The following IL17RD variants were observed in gnomAD, a reference collection of about 807,000 sequenced individuals.
IL17RD encodes the protein interleukin 17 receptor D.
A neutral mutation model predicts 80.5 loss-of-function variants in IL17RD; 52 were observed. The observed-to-expected ratio is 0.65, with a 90% CI of 0.52 to 0.81. The LOEUF (loss-of-function observed/expected upper bound fraction) is 0.81. IL17RD is among the 40% of genes least tolerant of loss of function. The pLI, the probability that IL17RD is intolerant of heterozygous loss-of-function variation, is 0.00. For synonymous variants in IL17RD, 416 were observed against 391.8 expected, an observed-to-expected ratio of 1.06 and a Z score of -0.73; for missense variants, 1,024 against 955.1, an observed-to-expected ratio of 1.07 and a Z score of -0.95.
At chr3:57,123,736 T>C (rs1192871437) in intron 1 of IL17RD, among the ~76,000 whole-genome samples, 1 of 152,164 alleles carries the variant, frequency 6.6e-6, no homozygotes, top group African/African-American at 2.4e-5. Context: ...AGGTATTAGT[T>C]CTTACATGCA....
At chr3:57,139,267 T>G (rs1016438149) in intron 1 of IL17RD, among the ~76,000 whole-genome samples, 2 of 152,022 alleles carry the variant, frequency 1.3e-5, no homozygotes, top group African/African-American at 4.8e-5. Context: ...AAAAGTGAGT[T>G]TGGCAAAGTA....
chr3:57,110,255 T>G lies in IL17RD; in HGVS notation c.367A>C (p.Arg123=), dbSNP rs745326185. The G allele has an allele frequency of 2.5e-6, 4 of 1,609,852 alleles. No homozygotes were observed. Among genetic ancestry groups the G allele is most frequent in the African/African-American group, 2.7e-5 (2 of 75,024 alleles). ...TTTAGAATCAGTTGTTGGCACTGTCTTCCCTCCGACTTCAGCTCCTCCAGT... is the reference window on the plus strand; with the variant it reads ...TTTAGAATCAGTTGTTGGCACTGTCGTCCCTCCGACTTCAGCTCCTCCAGT... ...VILEELKSEG[R]QCQQLILKDP... The change falls in exon 4 of 13, where the codon AGA becomes CGA. Residue 123 remains arginine (R), a synonymous_variant. Transcript: ENST00000296318.
chr3:57,119,898 T>A (rs1291268957), intron 2 of IL17RD, among the ~76,000 whole-genome samples: 32 of 152,222 alleles, frequency 2.1e-4, no homozygotes, highest in Non-Finnish European at 2.9e-5. Context: ...CTATCCAGTT[T>A]GCCATACTGT....
intron 1 of IL17RD, among the ~76,000 whole-genome samples, chr3:57,162,764 C>A (rs1473576071): frequency 6.6e-6 from 1 of 152,120 alleles, no homozygotes; most frequent in East Asian, 1.9e-4. Context: ...ATTTACAGGG[C>A]TCTGACGCCA....
chr3:57,111,111 TGGAGAGCCC>T (rs1707088254), intron 3 of IL17RD, among the ~76,000 whole-genome samples: 1 of 152,256 alleles, frequency 6.6e-6, no homozygotes, highest in Non-Finnish European at 1.5e-5. Context: ...CAGCTGCAGC[TGGAGAGCCC>T]CAAAGCCTGC....
intron 1 of IL17RD, among the ~76,000 whole-genome samples, chr3:57,164,501 T>C (rs2060331451): frequency 6.6e-6 from 1 of 151,842 alleles, no homozygotes; most frequent in Non-Finnish European, 1.5e-5. Context: ...GGCGGAAAAA[T>C]ATCCGCAACT....
chr3:57,149,585 T>G (rs114200373), intron 1 of IL17RD, among the ~76,000 whole-genome samples: 235 of 152,388 alleles, frequency 1.5e-3, no homozygotes, highest in African/African-American at 5.3e-3. Flanking sequence ...GTGTGATGAT[T>G]TAAATTTAAA....
intron 1 of IL17RD, among the ~76,000 whole-genome samples, chr3:57,124,062 A>G (rs1707396571): frequency 6.6e-6 from 1 of 152,120 alleles, no homozygotes; most frequent in Non-Finnish European, 1.5e-5. Context: ...ACAAACAAAC[A>G]AAAACCTTTC....
chr3:57,120,127 T>C (rs529921719), intron 2 of IL17RD, 129 bp downstream of exon 2: 7 of 715,960 alleles, frequency 9.8e-6, no homozygotes, highest in African/African-American at 3.5e-5. Flanking sequence ...GCTTTAGCTG[T>C]TGACAAACCT....
chr3:57,164,318 G>C (rs2060329689), intron 1 of IL17RD, among the ~76,000 whole-genome samples: 1 of 152,200 alleles, frequency 6.6e-6, no homozygotes, highest in African/African-American at 2.4e-5. Flanking sequence ...AGAAGCCCAG[G>C]TAGGGAGCAG....
intron 1 of IL17RD, among the ~76,000 whole-genome samples, chr3:57,139,461 T>TTA (rs1408265245): frequency 3.3e-5 from 5 of 152,122 alleles, no homozygotes; most frequent in Non-Finnish European, 5.9e-5. Context: ...AGTGTGAATA[T>TTA]TATATATACA....
intron 7 of IL17RD, among the ~76,000 whole-genome samples, chr3:57,105,039 G>T (rs923005513): frequency 6.6e-6 from 1 of 152,170 alleles, no homozygotes; most frequent in African/African-American, 2.4e-5. Flanking sequence ...TAGCCACTGA[G>T]TTATCAGTGG....
chr3:57,106,162 G>A lies in IL17RD; in HGVS notation c.551-8C>T. The A allele has an allele frequency of 1.9e-6, 3 of 1,605,298 alleles. No homozygotes were observed. The South Asian group carries it at 3.3e-5, about 18-fold the overall frequency. On this transcript the variant is annotated splice_region_variant and splice_polypyrimidine_tract_variant and intron_variant, in intron 5 of 12. Coordinates refer to ENST00000296318, the MANE Select transcript of IL17RD (RefSeq NM_017563.5). ...GTAACAACAGGTCACAGGCTATTAA[G>A]AGAATAAAGATACATGTTTTTAGTT...
rs1237012335 is a variant in IL17RD, at chr3:57,109,648, A to G, written c.439T>C (p.Ser147Pro). Residue 147 changes from serine to proline, a missense_variant, in exon 5 of 13, where the codon TCT becomes CCT. Coordinates refer to ENST00000296318, the MANE Select transcript of IL17RD (RefSeq NM_017563.5). Reference protein sequence around the residue: ...NSSFKRTGMESQPFLNMKFET... With the variant: ...NSSFKRTGMEPQPFLNMKFET... The stretch of plus-strand genomic sequence containing the variant: ...AATTTCATATTCAGGAAAGGTTGAG[A>G]TTCCATTCCCTAAAAGGGAACAAAA... 1 of 1,613,322 alleles carries G rather than the reference A, an allele frequency of 6.2e-7. No individual in the cohort carries two copies. Among genetic ancestry groups the G allele is most frequent in the East Asian group, 2.2e-5 (1 of 44,868 alleles).
chr3:57,106,177 T>C (rs569222302), intron 5 of IL17RD, 23 bp from the exon 6 acceptor site: 1 of 1,590,762 alleles, frequency 6.3e-7, no homozygotes, highest in South Asian at 1.1e-5. Flanking sequence ...TAAAGATACA[T>C]GTTTTTAGTT....
At chr3:57,167,240 A>G (rs2060352299), upstream of IL17RD, among the ~76,000 whole-genome samples, 1 of 152,050 alleles carries the variant, frequency 6.6e-6, no homozygotes, top group Admixed American at 6.5e-5. Context: ...TCAGGAATTC[A>G]GCCAGACCCA....
At chr3:57,165,415 G>A (rs2060342331), upstream of IL17RD, 2 of 747,422 alleles carry the variant, frequency 2.7e-6, no homozygotes, top group Non-Finnish European at 3.5e-6. Flanking sequence ...TGCGTTGCCA[G>A]CCCGGGCCCC....
intron 1 of IL17RD, among the ~76,000 whole-genome samples, chr3:57,141,776 C>T (rs1258798479): frequency 6.6e-6 from 1 of 152,154 alleles, no homozygotes; most frequent in Non-Finnish European, 1.5e-5. Context: ...GAAAGATCAA[C>T]TTCATTTTCT....
At chr3:57,163,266 G>A (rs1284577689) in intron 1 of IL17RD, among the ~76,000 whole-genome samples, 1 of 152,198 alleles carries the variant, frequency 6.6e-6, no homozygotes, top group Admixed American at 6.5e-5. Context: ...GGCCAAGGCA[G>A]GAGCAGCTGA....
Sources: allele counts gnomAD v4.1 joint callset (sites outside exome capture counted in the v4.1 genomes callset), GRCh38; gene constraint gnomAD v4.1.1; transcripts MANE v1.5; gene names NCBI Gene and HGNC (gene_info 2026-07-23, HGNC 2026-07-21).